LARP4: variants seen among roughly 807,000 people sequenced by gnomAD.
The protein encoded by LARP4 is La ribonucleoprotein 4, also known as la-related protein 4.
In LARP4, 29 loss-of-function variants were observed where a neutral mutation model predicts 92.9. That is an observed-to-expected ratio of 0.31 (90% CI 0.23 to 0.43). The LOEUF (loss-of-function observed/expected upper bound fraction) is 0.43, where lower values mean the gene tolerates loss of function less well. LARP4 is among the 20% of genes least tolerant of loss of function. LARP4 has a pLI of 1.00. For synonymous variants in LARP4, 279 were observed against 284.1 expected (o/e 0.98, Z 0.18); for missense variants, 732 against 860.0 (o/e 0.85, Z 1.86).
chr12:50,465,681 A>AT (rs1039852061), intron 12 of LARP4, among the ~76,000 whole-genome samples: 7 of 152,220 alleles, frequency 4.6e-5, no homozygotes, highest in Non-Finnish European at 1.0e-4. Context: ...ATTATTCAGC[A>AT]TGCTGTTTGA....
At chr12:50,444,530 G>A (rs1951717675) in intron 8 of LARP4, among the ~76,000 whole-genome samples, 1 of 152,136 alleles carries the variant, frequency 6.6e-6, no homozygotes, top group African/African-American at 2.4e-5. Flanking sequence ...AAAGACAGGT[G>A]CAGAAGCAAG....
At chr12:50,435,882 C>T (rs1450814443) in intron 5 of LARP4, among the ~76,000 whole-genome samples, 1 of 151,850 alleles carries the variant, frequency 6.6e-6, no homozygotes, top group African/African-American at 2.4e-5. Context: ...CTCAAGCCAT[C>T]CTTCTACCTC....
At chr12:50,471,832 A>G (rs1219205852) in intron 13 of LARP4, among the ~76,000 whole-genome samples, 4 of 152,184 alleles carry the variant, frequency 2.6e-5, no homozygotes, top group African/African-American at 9.6e-5. Flanking sequence ...CAGTGTTTCA[A>G]GTTTTGAAGA....
intron 12 of LARP4, 44 bp downstream of exon 12, chr12:50,462,674 G>C: frequency 8.1e-7 from 1 of 1,240,252 alleles, no homozygotes; most frequent in African/African-American, 1.5e-5. Context: ...TCTCTTCTGT[G>C]ATTTACTATG....
intron 6 of LARP4, among the ~76,000 whole-genome samples, chr12:50,438,368 G>T (rs565127374): frequency 2.6e-5 from 4 of 151,906 alleles, no homozygotes; most frequent in Admixed American, 2.6e-4. Context: ...ATGGTGGTGG[G>T]CGCCTGTAAT....
At chr12:50,454,270 T>C in intron 9 of LARP4, 44 bp from the exon 10 acceptor site, 1 of 1,466,544 alleles carries the variant, frequency 6.8e-7, no homozygotes, top group South Asian at 1.2e-5. Flanking sequence ...ACACCAGATT[T>C]TACCTTTGCC....
At chr12:50,449,923 ATTTTTTTTTTT>A (rs60763691) in intron 8 of LARP4, among the ~76,000 whole-genome samples, 44 of 47,054 alleles carry the variant, frequency 9.4e-4, no homozygotes, top group Middle Eastern at 0.024. Flanking sequence ...AGCCATAGCA[ATTTTTTTTTTT>A]TTTTTTTTTT....
intron 1 of LARP4, among the ~76,000 whole-genome samples, 198 bp from the exon 2 acceptor site, chr12:50,427,564 A>G (rs1474983894): frequency 6.6e-6 from 1 of 152,070 alleles, no homozygotes; most frequent in Non-Finnish European, 1.5e-5. Context: ...CCTATTTTTT[A>G]TTATATAGGA....
intron 1 of LARP4, among the ~76,000 whole-genome samples, chr12:50,420,367 A>G (rs1947528243): frequency 6.6e-6 from 1 of 152,226 alleles, no homozygotes; most frequent in Non-Finnish European, 1.5e-5. Context: ...ATATGATGAC[A>G]AGGTAGCATA....
chr12:50,408,672 C>G (rs538899748), intron 1 of LARP4, among the ~76,000 whole-genome samples: 48 of 152,240 alleles, frequency 3.2e-4, no homozygotes, highest in African/African-American at 1.2e-3. Flanking sequence ...CAAATATTTT[C>G]TGTGACAGAT....
chr12:50,416,769 G>A (rs1164093121), intron 1 of LARP4, among the ~76,000 whole-genome samples: 2 of 151,966 alleles, frequency 1.3e-5, no homozygotes, highest in Non-Finnish European at 2.9e-5. Flanking sequence ...CTGATAGACT[G>A]AAATCAAGAC....
At chr12:50,424,044 C>A (rs1331658035) in intron 1 of LARP4, among the ~76,000 whole-genome samples, 1 of 152,186 alleles carries the variant, frequency 6.6e-6, no homozygotes, top group Non-Finnish European at 1.5e-5. Context: ...CGGGCATGAG[C>A]CACTGCACCC....
At chr12:50,472,236 T>A (rs1343044551) in intron 13 of LARP4, among the ~76,000 whole-genome samples, 2 of 152,200 alleles carry the variant, frequency 1.3e-5, no homozygotes, top group Admixed American at 1.3e-4. Flanking sequence ...AGTTTTGTAG[T>A]ATTAAGTACC....
intron 1 of LARP4, among the ~76,000 whole-genome samples, chr12:50,409,161 A>AT (rs912301813): frequency 1.0e-4 from 15 of 150,694 alleles, no homozygotes; most frequent in Non-Finnish European, 1.5e-4. Flanking sequence ...TACATAAAAG[A>AT]TTTTTTTTTT....
intron 15 of LARP4, among the ~76,000 whole-genome samples, chr12:50,475,109 A>G (rs1014275448): frequency 5.3e-5 from 8 of 152,198 alleles, no homozygotes; most frequent in African/African-American, 1.9e-4. Flanking sequence ...AGTTGAGGTA[A>G]TTAAGACTTT....
intron 1 of LARP4, among the ~76,000 whole-genome samples, chr12:50,403,564 A>C (rs1565916824): frequency 6.6e-6 from 1 of 152,248 alleles, no homozygotes; most frequent in Non-Finnish European, 1.5e-5. Context: ...AATGTAAAAA[A>C]ACGGAGAAGA....
chr12:50,471,147 A>G (rs1419204049), intron 13 of LARP4, among the ~76,000 whole-genome samples: 1 of 152,122 alleles, frequency 6.6e-6, no homozygotes, highest in African/African-American at 2.4e-5. Flanking sequence ...ATTTAAAAAT[A>G]ATAATTATAA....
At position 50,474,173 on chromosome 12, in the gene LARP4, T is replaced by C. The variant is rs369872354; in HGVS notation, c.1836+6T>C. 7.6e-6 allele frequency: 12 copies of C among 1,584,588 alleles called. No individual in the cohort carries two copies. Among genetic ancestry groups the C allele is most frequent in the Non-Finnish European group, 1.0e-5 (12 of 1,169,698 alleles). ...CTACAGCTGTGGCTCTACAGGTAAC[T>C]TGAAGATTTTAGTTTATGTTAAAAA... On this transcript the variant is annotated splice_donor_region_variant and intron_variant, in intron 15 of 15. Coordinates refer to ENST00000398473, the MANE Select transcript of LARP4 (RefSeq NM_052879.5).
chr12:50,435,013 G>A (rs1015961002), intron 4 of LARP4, among the ~76,000 whole-genome samples: 5 of 152,184 alleles, frequency 3.3e-5, no homozygotes, highest in African/African-American at 7.2e-5. Context: ...GCGCCACTGC[G>A]CTCCAGACTG....
Sources: gnomAD v4.1 joint callset for allele counts (sites outside exome capture counted in the v4.1 genomes callset) on GRCh38, gnomAD v4.1.1 for gene constraint, MANE v1.5 for transcripts, NCBI Gene and HGNC (gene_info 2026-07-23, HGNC 2026-07-21) for gene names.